Variants in DZIP1 observed in about 807,000 individuals in gnomAD.
DZIP1 encodes DAZ interacting zinc finger protein 1.
A neutral mutation model predicts 107.6 loss-of-function variants in DZIP1; 97 were observed. That is an observed-to-expected ratio of 0.90 (90% CI 0.77 to 1.07). The LOEUF (loss-of-function observed/expected upper bound fraction) is 1.07, where lower values mean the gene tolerates loss of function less well. Ranked by LOEUF, DZIP1 falls within the 50% of genes least tolerant of loss-of-function variation. DZIP1 has a pLI of 0.00. For missense variants in DZIP1, 1,035 were observed against 1,063.6 expected (o/e 0.97, Z 0.37); for synonymous variants, 390 against 386.4 (o/e 1.01, Z -0.11).
chr13:95,587,459 C>A (rs1213521882), intron 20 of DZIP1, 80 bp downstream of exon 20: 54 of 1,540,442 alleles, frequency 3.5e-5, no homozygotes, highest in Non-Finnish European at 4.4e-5. Flanking sequence ...CCAGCTCAGA[C>A]TCCCAGTGCT....
chr13:95,622,985 C>T (rs1317186980), intron 8 of DZIP1, among the ~76,000 whole-genome samples: 3 of 152,042 alleles, frequency 2.0e-5, no homozygotes, highest in Non-Finnish European at 4.4e-5. Context: ...GCTCACACAA[C>T]AATCTGCCTA....
At chr13:95,610,036 C>T (rs895892192) in intron 12 of DZIP1, among the ~76,000 whole-genome samples, 2 of 148,724 alleles carry the variant, frequency 1.3e-5, no homozygotes, top group African/African-American at 2.5e-5. Context: ...TCAGCTCTTG[C>T]CCTGGTCTTG....
At chr13:95,598,427 T>C (rs1237157207) in intron 15 of DZIP1, among the ~76,000 whole-genome samples, 2 of 152,156 alleles carry the variant, frequency 1.3e-5, no homozygotes, top group African/African-American at 4.8e-5. Context: ...GTATATCATA[T>C]AGGTATTATG....
intron 19 of DZIP1, chr13:95,588,253 C>T (rs571177294): frequency 1.2e-4 from 18 of 152,674 alleles, no homozygotes; most frequent in African/African-American, 4.3e-4. Flanking sequence ...TTCCAGACAA[C>T]GTGTCAGTCT....
intron 7 of DZIP1, among the ~76,000 whole-genome samples, chr13:95,629,476 G>C (rs1295419406): frequency 1.3e-5 from 2 of 152,192 alleles, no homozygotes; most frequent in African/African-American, 2.4e-5. Flanking sequence ...TCTGTTGGTG[G>C]CTTTGAGTAT....
At chr13:95,592,030 A>G (rs2044323842) in intron 16 of DZIP1, among the ~76,000 whole-genome samples, 1 of 152,216 alleles carries the variant, frequency 6.6e-6, no homozygotes, top group Admixed American at 6.5e-5. Context: ...TTGAAAGTCC[A>G]AAAACAAATC....
intron 22 of DZIP1, 152 bp from the exon 23 acceptor site, chr13:95,582,465 T>A: frequency 1.5e-6 from 1 of 666,098 alleles, no homozygotes; most frequent in South Asian, 1.9e-5. Context: ...TCATGAGCTA[T>A]GTATAGGACG....
intron 10 of DZIP1, among the ~76,000 whole-genome samples, chr13:95,616,503 C>A (rs1046177749): frequency 6.6e-6 from 1 of 152,190 alleles, no homozygotes; most frequent in East Asian, 1.9e-4. Context: ...GCCCTTCACT[C>A]AGAGGGCCAA....
chr13:95,581,984 C>A lies in DZIP1; in HGVS notation c.*250G>T. 2.8e-6 allele frequency: 1 copy of A among 361,264 alleles called. No individual in the cohort carries two copies. The highest frequency in any genetic ancestry group is 5.0e-6 in the Non-Finnish European group (1 of 201,762). 22.4% of individuals were successfully genotyped at this position (361,264 alleles called of 1,614,324 possible). A position where few individuals can be genotyped will look rare whatever the true frequency, so the allele number is the denominator to read the frequency against. Reference sequence around the variant, plus strand: ...CTGAAGAAAAAACTTTTTATGACTTCAATGACATGTTATTTTTAAGCAGCA... The same window carrying A: ...CTGAAGAAAAAACTTTTTATGACTTAAATGACATGTTATTTTTAAGCAGCA... On this transcript the variant is annotated 3_prime_UTR_variant, in exon 23 of 23. Coordinates refer to ENST00000376829, the MANE Select transcript of DZIP1 (RefSeq NM_198968.4).
intron 7 of DZIP1, among the ~76,000 whole-genome samples, chr13:95,627,048 C>T (rs1876626444): frequency 6.6e-6 from 1 of 152,114 alleles, no homozygotes; most frequent in South Asian, 2.1e-4. Flanking sequence ...CCACAAATAA[C>T]CAAAACAATA....
chr13:95,608,790 C>T (rs1002272326), intron 13 of DZIP1, among the ~76,000 whole-genome samples: 3 of 152,190 alleles, frequency 2.0e-5, no homozygotes, highest in Non-Finnish European at 2.9e-5. Context: ...ACAGTGCTCT[C>T]GCAATCCCTG....
rs375691752 is a variant in DZIP1, at chr13:95,584,841, A to G, written c.2419T>C (p.Ser807Pro). The change falls in exon 22 of 23, where the codon TCT becomes CCT. Residue 807 changes from serine to proline, a missense_variant. Ser to Pro is a moderately conservative substitution (Grantham distance 74). Transcript: ENST00000376829. ...GGAGGTTCCTTCTGTTCTTTCCCAG[A>G]TTTTTTTCCCAAAGATATCTCTTCC... is the stretch of plus-strand genomic sequence containing the variant. ...LEEEISLGKK[S>P]GKEQKEPPPA... 118 of 1,613,872 alleles carry G rather than the reference A, an allele frequency of 7.3e-5. No homozygotes were observed. Among genetic ancestry groups the G allele is most frequent in the Non-Finnish European group, 5.7e-5 (67 of 1,179,982 alleles).
chr13:95,623,247 A>G (rs1212247228), intron 8 of DZIP1, among the ~76,000 whole-genome samples: 1 of 152,220 alleles, frequency 6.6e-6, no homozygotes, highest in African/African-American at 2.4e-5. Context: ...AAACCCTCAG[A>G]AAACCACAGA....
At chr13:95,590,230 G>C in intron 17 of DZIP1, 49 bp downstream of exon 17, 3 of 1,488,168 alleles carry the variant, frequency 2.0e-6, no homozygotes, top group Non-Finnish European at 2.7e-6. Context: ...AAGAAAAAAA[G>C]AAAAAGTTGT....
At chr13:95,637,027 C>G (rs1199481087) in intron 5 of DZIP1, 2 of 152,234 alleles carry the variant, frequency 1.3e-5, no homozygotes, top group Non-Finnish European at 2.9e-5. Context: ...GCAACATTTA[C>G]TGCCAGAAGA....
intron 17 of DZIP1, 44 bp from the exon 18 acceptor site, chr13:95,589,976 C>A: frequency 6.3e-7 from 1 of 1,598,588 alleles, no homozygotes; most frequent in South Asian, 1.1e-5. Context: ...CCTTTATGAT[C>A]AGTAAGTGAA....
chr13:95,586,243 G>C, intron 20 of DZIP1, 107 bp from the exon 21 acceptor site: 2 of 859,930 alleles, frequency 2.3e-6, no homozygotes, highest in Non-Finnish European at 3.3e-6. Context: ...AGCTTTGGAA[G>C]TAATTATGTA....
At chr13:95,612,593 G>GT (rs200402819) in intron 10 of DZIP1, among the ~76,000 whole-genome samples, 273 of 151,058 alleles carry the variant, frequency 1.8e-3, no homozygotes, top group Middle Eastern at 0.014. Flanking sequence ...TTTTGTTGTT[G>GT]TTTTTTTTTG....
chr13:95,591,216 A>C (rs1376649546), intron 16 of DZIP1, among the ~76,000 whole-genome samples: 3 of 151,868 alleles, frequency 2.0e-5, no homozygotes, highest in Non-Finnish European at 4.4e-5. Flanking sequence ...TTTAGTAGAG[A>C]TGGGGTTTCA....
Sources: gnomAD v4.1 joint callset for allele counts (sites outside exome capture counted in the v4.1 genomes callset) on GRCh38, gnomAD v4.1.1 for gene constraint, MANE v1.5 for transcripts, NCBI Gene and HGNC (gene_info 2026-07-23, HGNC 2026-07-21) for gene names.